GREM2: variants seen among roughly 807,000 people sequenced by gnomAD.
GREM2 encodes the protein gremlin-2.
Under a neutral mutation model 14.2 loss-of-function variants are expected in GREM2, and 11 were observed. The ratio of observed to expected loss-of-function variants is 0.78; its 90% CI spans 0.49 to 1.28. The LOEUF (loss-of-function observed/expected upper bound fraction) is 1.28, where lower values mean the gene tolerates loss of function less well. GREM2 is among the 50% of genes most tolerant of loss of function. The pLI, the probability that GREM2 is intolerant of heterozygous loss-of-function variation, is 0.00. For synonymous variants in GREM2, 98 were observed against 97.6 expected (o/e 1.00, Z -0.02); for missense variants, 210 against 218.5 (o/e 0.96, Z 0.24).
At chr1:240,574,614 G>C (rs1306214979) in intron 1 of GREM2, among the ~76,000 whole-genome samples, 1 of 152,120 alleles carries the variant, frequency 6.6e-6, no homozygotes, top group Non-Finnish European at 1.5e-5. Flanking sequence ...AATTAGCCTA[G>C]AACTCAGCAA....
chr1:240,509,171 G>C lies in GREM2; in HGVS notation c.-1-15695C>G, dbSNP rs562249963. Among the ~76,000 whole-genome samples, 7 of 152,226 alleles carry C rather than the reference G, an allele frequency of 4.6e-5. No individual in the cohort carries two copies. In the East Asian group the frequency reaches 7.7e-4, roughly 17 times the overall value. ...TAATTGTGACATGTGTTTCCAATTA[G>C]GATGCCTTTCTTCTCCAGCCTGTGG... On this transcript the variant is annotated intron_variant, in intron 1 of 1. Transcript: ENST00000318160.
At chr1:240,507,024 G>A (rs904014767) in intron 1 of GREM2, among the ~76,000 whole-genome samples, 8 of 152,218 alleles carry the variant, frequency 5.3e-5, no homozygotes, top group Admixed American at 3.9e-4. Flanking sequence ...GGCTGGAGCC[G>A]GGGCTGGTAT....
chr1:240,598,094 A>G (rs528312196), intron 1 of GREM2, among the ~76,000 whole-genome samples: 2 of 152,312 alleles, frequency 1.3e-5, no homozygotes, highest in African/African-American at 4.8e-5. Context: ...CAATTGGCCA[A>G]CGTTTTAATC....
intron 1 of GREM2, among the ~76,000 whole-genome samples, chr1:240,576,038 T>C (rs1023366184): frequency 3.9e-5 from 6 of 152,248 alleles, no homozygotes; most frequent in South Asian, 4.2e-4. Flanking sequence ...TAAATTGCTA[T>C]GCGTCCTGTG....
chr1:240,579,135 T>A (rs973279555), intron 1 of GREM2, among the ~76,000 whole-genome samples: 1 of 152,208 alleles, frequency 6.6e-6, no homozygotes, highest in African/African-American at 2.4e-5. Flanking sequence ...AGATTCTACA[T>A]GGCAGTTACA....
At chr1:240,592,110 C>G (rs1679727083) in intron 1 of GREM2, among the ~76,000 whole-genome samples, 1 of 152,170 alleles carries the variant, frequency 6.6e-6, no homozygotes, top group Admixed American at 6.5e-5. Flanking sequence ...ACCAAAAATA[C>G]ATTTAACAAA....
Position 240,494,843 on chromosome 1 carries a change from A to G in GREM2, c.-1-1367T>C, listed in dbSNP as rs926815037. Among the ~76,000 whole-genome samples the G allele has an allele frequency of 1.1e-4, 16 of 152,238 alleles. No homozygotes were observed. In the East Asian group the frequency reaches 2.3e-3, roughly 22 times the overall value. On this transcript the variant is annotated intron_variant, in intron 1 of 1. Transcript: ENST00000318160. ...GTGAACCCGGGAGGCGGAGCTTGCA[A>G]TGAGCCGAGATGGCGTCACTGTATT...
intron 1 of GREM2, among the ~76,000 whole-genome samples, chr1:240,536,627 GACAAA>G: frequency 6.7e-6 from 1 of 149,600 alleles, no homozygotes; most frequent in Admixed American, 6.6e-5. Flanking sequence ...TAGAGTTTAA[GACAAA>G]ATGGCAGCGG....
chr1:240,609,863 T>A (rs191472037), intron 1 of GREM2, among the ~76,000 whole-genome samples: 1 of 152,266 alleles, frequency 6.6e-6, no homozygotes, highest in East Asian at 1.9e-4. Context: ...TTTAAAGGCA[T>A]GTACCTTGTT....
At chr1:240,516,877 G>C (rs572095498) in intron 1 of GREM2, among the ~76,000 whole-genome samples, 3 of 152,158 alleles carry the variant, frequency 2.0e-5, no homozygotes, top group Non-Finnish European at 4.4e-5. Context: ...TGGAAGATGG[G>C]GGTCGGCCAG....
Position 240,501,575 on chromosome 1 carries a change from C to T in GREM2, c.-1-8099G>A, listed in dbSNP as rs1467886270. Among the ~76,000 whole-genome samples, 10 of 152,216 alleles carry T rather than the reference C, an allele frequency of 6.6e-5. No individual in the cohort carries two copies. The East Asian group carries it at 1.4e-3, about 21-fold the overall frequency. On this transcript the variant is annotated intron_variant, in intron 1 of 1. Transcript: ENST00000318160. ...GAAATGGAATGCTGAAGCAAGATGG[C>T]AGCAAAGCATTAAATTAAATAAGGA...
chr1:240,547,625 T>G (rs1028185110), intron 1 of GREM2, among the ~76,000 whole-genome samples: 16 of 151,264 alleles, frequency 1.1e-4, no homozygotes, highest in Non-Finnish European at 1.9e-4. Context: ...AAGAGGAGAT[T>G]CAAACTTTTA....
At chr1:240,520,829 C>T (rs1678067826) in intron 1 of GREM2, among the ~76,000 whole-genome samples, 1 of 151,066 alleles carries the variant, frequency 6.6e-6, no homozygotes, top group Non-Finnish European at 1.5e-5. Context: ...AGATGTGAGC[C>T]ACTGTGCCAG....
intron 1 of GREM2, among the ~76,000 whole-genome samples, chr1:240,520,455 C>T (rs1678059296): frequency 1.3e-5 from 2 of 152,180 alleles, no homozygotes; most frequent in African/African-American, 2.4e-5. Context: ...AGATAAGTTA[C>T]CTTGAGGAAC....
Position 240,542,371 on chromosome 1 carries a change from G to A in GREM2, c.-1-48895C>T, listed in dbSNP as rs899164664. On this transcript the variant is annotated intron_variant, in intron 1 of 1. Transcript: ENST00000318160. This position sits in a 1 kb window ranked among gnomAD's most constrained non-coding sequence, Gnocchi z 4.1. ...TCTAATCCCAGTACTTTGGGAGGCC[G>A]AGGTGGGCAGATCACTTGCGGCCAG... 2.0e-5 allele frequency among the ~76,000 whole-genome samples: 3 copies of A among 151,274 alleles called. No individual in the cohort carries two copies. The highest frequency in any genetic ancestry group is 2.4e-5 in the African/African-American group (1 of 41,146).
At chr1:240,499,122 G>C (rs1313101189) in intron 1 of GREM2, among the ~76,000 whole-genome samples, 2 of 152,226 alleles carry the variant, frequency 1.3e-5, no homozygotes, top group African/African-American at 4.8e-5. Flanking sequence ...GGCAAGACCT[G>C]AACAGGGGTT....
chr1:240,569,798 A>G (rs1056870609), intron 1 of GREM2, among the ~76,000 whole-genome samples: 4 of 152,240 alleles, frequency 2.6e-5, no homozygotes, highest in African/African-American at 7.2e-5. Flanking sequence ...TTTCTTATAT[A>G]TGACACCCAA....
At position 240,493,101 on chromosome 1, in the gene GREM2, G is replaced by C. The variant is rs941947307; in HGVS notation, c.375C>G (p.Pro125=). The C allele has an allele frequency of 6.2e-7, 1 of 1,613,972 alleles. No individual in the cohort carries two copies. The highest frequency in any genetic ancestry group is 8.5e-7 in the Non-Finnish European group (1 of 1,179,964). The part of the protein sequence containing the change: ...ESFQSCAFCK[P]QRVTSVLVEL... ...CCACGAGGACGGAGGTGACGCGCTG[G>C]GGCTTGCAGAAGGCGCAGGACTGGA... Residue 125 remains proline, a synonymous_variant, in exon 2 of 2, where the codon CCC becomes CCG. Coordinates refer to ENST00000318160, the MANE Select transcript of GREM2 (RefSeq NM_022469.4).
Position 240,490,217 on chromosome 1 carries a change from A to G in GREM2, c.*2752T>C, listed in dbSNP as rs1451606336. 1 of 152,242 alleles carries G rather than the reference A, an allele frequency of 6.6e-6. No individual in the cohort carries two copies. The highest frequency in any genetic ancestry group is 1.5e-5 in the Non-Finnish European group (1 of 68,058). The allele number at this position is 152,242 out of a possible 1,614,324, so 9.4% of individuals were successfully genotyped here. On this transcript the variant is annotated 3_prime_UTR_variant, in exon 2 of 2. Transcript: ENST00000318160. Reference sequence around the variant, plus strand: ...TTAGTGTTTCTCCTTCAGCCAGCACAGTGAGAATACTCTGTCTTCAGCTGG... The same window carrying G: ...TTAGTGTTTCTCCTTCAGCCAGCACGGTGAGAATACTCTGTCTTCAGCTGG...
Sources: gnomAD v4.1 joint callset for allele counts (sites outside exome capture counted in the v4.1 genomes callset) on GRCh38, gnomAD v4.1.1 for gene constraint, Gnocchi (gnomAD v3.1) non-coding constraint, MANE v1.5 for transcripts, NCBI Gene and HGNC (gene_info 2026-07-23, HGNC 2026-07-21) for gene names.